ITGA6: variants seen among roughly 807,000 people sequenced by gnomAD.
ITGA6 encodes integrin subunit alpha 6, also known as integrin alpha-6.
Under a neutral mutation model 133.6 loss-of-function variants are expected in ITGA6, and 63 were observed. The ratio of observed to expected loss-of-function variants is 0.47; its 90% CI spans 0.38 to 0.58. ITGA6 has a LOEUF of 0.58. ITGA6 is among the 20% of genes least tolerant of loss of function. ITGA6 has a pLI of 0.00. For missense variants in ITGA6, 1,068 were observed against 1,309.4 expected (o/e 0.82, Z 2.85); for synonymous variants, 434 against 482.0 (o/e 0.90, Z 1.30).
At position 172,479,793 on chromosome 2, in the gene ITGA6, A is replaced by G. The variant is rs1686352789; in HGVS notation, c.1487+54A>G. 5.4e-6 allele frequency: 8 copies of G among 1,468,910 alleles called. No individual in the cohort carries two copies. In the South Asian group the frequency reaches 9.1e-5, roughly 17 times the overall value. The allele number at this position is 1,468,910 out of a possible 1,614,324, so 91.0% of individuals were successfully genotyped here. A position where few individuals can be genotyped will look rare whatever the true frequency, so the allele number is the denominator to read the frequency against. ...CCCCTCAGTTTCCCACCTCCACTTC[A>G]TGATGACTCTATTGTCCTGAGGAGC... On this transcript the variant is annotated intron_variant, in intron 10 of 25. Coordinates refer to ENST00000684293, the MANE Select transcript of ITGA6 (RefSeq NM_000210.4).
chr2:172,479,492 C>T, intron 9 of ITGA6, 149 bp from the exon 10 acceptor site: 1 of 742,918 alleles, frequency 1.3e-6, no homozygotes, highest in Non-Finnish European at 2.5e-6. Context: ...CAGTTATTTT[C>T]TTCAGCAATG....
In ITGA6 at chr2:172,487,766, C is replaced by G; in HGVS notation, c.2283C>G (p.Thr761=). The G allele has an allele frequency of 1.9e-6, 3 of 1,612,566 alleles. No individual in the cohort carries two copies. Among genetic ancestry groups the G allele is most frequent in the Non-Finnish European group, 2.5e-6 (3 of 1,178,732 alleles). The part of the protein sequence containing the change: ...FYLVLSTTEV[T]FDTPDLDINL... ...TGGTTTTAAGTACAACTGAAGTCAC[C>G]TTTGACACCCCAGATCTGGATATTA... Residue 761 remains threonine, a synonymous_variant, in exon 17 of 26, where the codon ACC becomes ACG. Transcript: ENST00000684293.
Position 172,458,900 on chromosome 2 carries a change from A to G in ITGA6, c.183-6639A>G, listed in dbSNP as rs2149028069. Among the ~76,000 whole-genome samples, 4 of 152,334 alleles carry G rather than the reference A, an allele frequency of 2.6e-5. No individual in the cohort carries two copies. The South Asian group carries it at 8.3e-4, about 32-fold the overall frequency. ...GTTATGTAAAAGGCACAGTCAGAAC[A>G]AAGAGCTCTTGAAGACTGCAAATGT... On this transcript the variant is annotated intron_variant, in intron 1 of 25. Coordinates refer to ENST00000684293, the MANE Select transcript of ITGA6 (RefSeq NM_000210.4).
intron 1 of ITGA6, among the ~76,000 whole-genome samples, chr2:172,429,663 T>C (rs1684028557): frequency 6.6e-6 from 1 of 152,172 alleles, no homozygotes; most frequent in Non-Finnish European, 1.5e-5. Flanking sequence ...TCTCTGGTAT[T>C]AGAGCTGAGG....
intron 5 of ITGA6, among the ~76,000 whole-genome samples, chr2:172,473,198 C>T (rs1300530277): frequency 6.6e-6 from 1 of 152,170 alleles, no homozygotes; most frequent in Admixed American, 6.5e-5. Flanking sequence ...CTGCATCTGC[C>T]TCACCTTTCT....
At chr2:172,453,351 A>G (rs958938269) in intron 1 of ITGA6, among the ~76,000 whole-genome samples, 1 of 151,936 alleles carries the variant, frequency 6.6e-6, no homozygotes, top group African/African-American at 2.4e-5. Flanking sequence ...ACACTGTAGA[A>G]CCCCGTCTCT....
At chr2:172,470,437 T>C (rs1391816315) in intron 4 of ITGA6, among the ~76,000 whole-genome samples, 1 of 150,682 alleles carries the variant, frequency 6.6e-6, no homozygotes, top group Non-Finnish European at 1.5e-5. Flanking sequence ...ACCTGCTTTA[T>C]AAACCTGACC....
rs1435964189 is a variant in ITGA6 at position 172,487,025 on chromosome 2, T to A, written c.1857T>A (p.Val619=). 1.3e-6 allele frequency: 2 copies of A among 1,582,514 alleles called. No homozygotes were observed. Among genetic ancestry groups the A allele is most frequent in the South Asian group, 2.2e-5 (2 of 90,390 alleles). The change falls in exon 14 of 26, where the codon GTT becomes GTA. Residue 619 remains valine (V), a splice_region_variant and synonymous_variant. Transcript: ENST00000684293. ...SDEPKTAHID[V]HFLKEGCGDD... ...CAATAGTTTTCGTTTTCCTACAGGT[T>A]CACTTCTTAAAAGAGGGATGTGGAG...
chr2:172,496,519 A>G (rs1430381101), intron 23 of ITGA6, among the ~76,000 whole-genome samples: 2 of 152,156 alleles, frequency 1.3e-5, no homozygotes, highest in African/African-American at 4.8e-5. Flanking sequence ...AGATTTTTTT[A>G]AAGAAAAACA....
chr2:172,463,365 A>G (rs1042287301), intron 1 of ITGA6, among the ~76,000 whole-genome samples: 2 of 152,156 alleles, frequency 1.3e-5, no homozygotes, highest in African/African-American at 4.8e-5. Flanking sequence ...TTACCTTTAC[A>G]GGAAATCTCT....
intron 1 of ITGA6, among the ~76,000 whole-genome samples, chr2:172,459,306 C>G (rs1045959391): frequency 6.6e-6 from 1 of 152,128 alleles, no homozygotes; most frequent in South Asian, 2.1e-4. Flanking sequence ...GAGTTCAAGA[C>G]CAGCCTGGTC....
chr2:172,459,837 G>C (rs1212280667), intron 1 of ITGA6, among the ~76,000 whole-genome samples: 1 of 152,236 alleles, frequency 6.6e-6, no homozygotes, highest in Admixed American at 6.5e-5. Context: ...AGGCCCGGCA[G>C]AACATCAGGT....
chr2:172,444,732 T>C (rs894003074), intron 1 of ITGA6, among the ~76,000 whole-genome samples: 2 of 141,592 alleles, frequency 1.4e-5, no homozygotes, highest in African/African-American at 5.2e-5. Flanking sequence ...AGTTTTCACA[T>C]AGGAACCCCC....
In ITGA6 at chr2:172,501,800, A is replaced by G; in HGVS notation, c.3143A>G (p.Asp1048Gly). ...GGTTTCTTCAAGAGAAATAAGAAAG[A>G]TCATTATGATGCCACATATCACAAG... is the stretch of plus-strand genomic sequence containing the variant. ...KCGFFKRNKKDHYDATYHKAE... is the reference protein window; with the variant it reads ...KCGFFKRNKKGHYDATYHKAE... Residue 1048 changes from aspartate to glycine, a missense_variant, in exon 25 of 26, where the codon GAT becomes GGT. This residue lies in a region of ITGA6 where 609 missense variants were observed against 707.2 expected (regional missense o/e 0.86). Transcript: ENST00000684293. 3 of 1,612,820 alleles carry G rather than the reference A, an allele frequency of 1.9e-6. No individual in the cohort carries two copies. Among genetic ancestry groups the G allele is most frequent in the Non-Finnish European group, 2.5e-6 (3 of 1,179,504 alleles).
In ITGA6 at chr2:172,465,676, C is replaced by T. The variant is rs1356362163; in HGVS notation, c.307+13C>T. 1.2e-6 allele frequency: 2 copies of T among 1,614,112 alleles called. No individual in the cohort carries two copies. The highest frequency in any genetic ancestry group is 8.5e-7 in the Non-Finnish European group (1 of 1,179,948). On this transcript the variant is annotated intron_variant, in intron 2 of 25. Transcript: ENST00000684293. ...TTTGATAACGATGGTGCGTTCCTTTCCCTCACTCAGCGTTCACTCCGGCAG... is the reference window on the plus strand; with the variant it reads ...TTTGATAACGATGGTGCGTTCCTTTTCCTCACTCAGCGTTCACTCCGGCAG...
At chr2:172,460,032 T>A (rs1436982115) in intron 1 of ITGA6, among the ~76,000 whole-genome samples, 1 of 152,164 alleles carries the variant, frequency 6.6e-6, no homozygotes. Context: ...GGTCCAAATG[T>A]GAAGTACACA....
At chr2:172,472,911 C>T in intron 5 of ITGA6, 3 of 1,408,312 alleles carry the variant, frequency 2.1e-6, no homozygotes, top group Non-Finnish European at 3.0e-6. Flanking sequence ...TCTGCGACGA[C>T]AAATAAATTG....
intron 1 of ITGA6, among the ~76,000 whole-genome samples, chr2:172,461,242 T>C (rs1685416082): frequency 6.6e-6 from 1 of 152,214 alleles, no homozygotes; most frequent in Non-Finnish European, 1.5e-5. Flanking sequence ...TCAGTGTTTA[T>C]TTCTTATCGT....
chr2:172,455,946 G>T (rs75059224), intron 1 of ITGA6, among the ~76,000 whole-genome samples: 4 of 152,202 alleles, frequency 2.6e-5, no homozygotes, highest in Non-Finnish European at 5.9e-5. Flanking sequence ...TTGGATAAAC[G>T]CACAAACAAG....
Sources: allele counts gnomAD v4.1 joint callset (sites outside exome capture counted in the v4.1 genomes callset), GRCh38; gene constraint gnomAD v4.1.1; regional missense constraint gnomAD v4.1.1; transcripts MANE v1.5; gene names NCBI Gene and HGNC (gene_info 2026-07-23, HGNC 2026-07-21).